GALNT2: variants seen among roughly 807,000 people sequenced by gnomAD.
GALNT2 encodes UDP-GalNAc:polypeptide N-acetylgalactosaminyltransferase 2.
Under a neutral mutation model 81.4 loss-of-function variants are expected in GALNT2, and 31 were observed. That is an observed-to-expected ratio of 0.38 (90% CI 0.29 to 0.51). The LOEUF is 0.51. GALNT2 is among the 20% of genes least tolerant of loss of function. The probability of loss-of-function intolerance (pLI) is 0.87; values close to 1 mark genes in which losing one functional copy is unlikely to be tolerated. For missense variants in GALNT2, 629 were observed against 765.7 expected, an observed-to-expected ratio of 0.82 and a Z score of 2.11; for synonymous variants, 303 against 287.4, an observed-to-expected ratio of 1.05 and a Z score of -0.55.
chr1:230,161,920 G>A (rs1374240652), intron 1 of GALNT2, among the ~76,000 whole-genome samples: 3 of 151,986 alleles, frequency 2.0e-5, no homozygotes, highest in Non-Finnish European at 4.4e-5. Flanking sequence ...CAACCACCAT[G>A]TTCCATTTCT....
At chr1:230,183,158 T>C (rs1213508238) in intron 2 of GALNT2, among the ~76,000 whole-genome samples, 2 of 152,232 alleles carry the variant, frequency 1.3e-5, no homozygotes, top group Non-Finnish European at 1.5e-5. Flanking sequence ...TTAATCTATG[T>C]GTGTTGTTTT....
At position 230,178,233 on chromosome 1, in the gene GALNT2, A is replaced by G. The variant is rs769701692; in HGVS notation, c.142A>G (p.Ile48Val). 18 of 1,613,846 alleles carry G rather than the reference A, an allele frequency of 1.1e-5. No individual in the cohort carries two copies. The highest frequency in any genetic ancestry group is 1.3e-5 in the African/African-American group (1 of 74,926). The change falls in exon 2 of 16, where the codon ATT becomes GTT. Residue 48 changes from isoleucine to valine, a missense_variant. By Grantham distance (29) the Ile-to-Val change is conservative. Transcript: ENST00000366672. ...GTTCCCCTAGGAGGACTGGAATGAAATTGACCCCATTAAAAAGAAAGACCT... is the reference window on the plus strand; with the variant it reads ...GTTCCCCTAGGAGGACTGGAATGAAGTTGACCCCATTAAAAAGAAAGACCT... The part of the protein sequence containing the change: ...GAGRKEDWNE[I>V]DPIKKKDLHH...
intron 2 of GALNT2, among the ~76,000 whole-genome samples, chr1:230,197,416 C>G (rs1006604003): frequency 6.6e-6 from 1 of 152,146 alleles, no homozygotes; most frequent in African/African-American, 2.4e-5. Context: ...TCCCTCTATG[C>G]TTCCTGCTCG....
chr1:230,162,349 C>A lies in GALNT2; in HGVS notation c.127-15869C>A, dbSNP rs117211464. Among the ~76,000 whole-genome samples the A allele has an allele frequency of 7.9e-5, 12 of 152,246 alleles. No individual in the cohort carries two copies. In the South Asian group the frequency reaches 2.5e-3, roughly 32 times the overall value. On this transcript the variant is annotated intron_variant, in intron 1 of 15. Transcript: ENST00000366672. ...CTCATCCTCTGAGAATTTAGCATTCCGGGTGATGCTACTAAGATGGATGAA... is the reference window on the plus strand; with the variant it reads ...CTCATCCTCTGAGAATTTAGCATTCAGGGTGATGCTACTAAGATGGATGAA...
chr1:230,122,965 T>C (rs1045783557), intron 1 of GALNT2, among the ~76,000 whole-genome samples: 2 of 152,182 alleles, frequency 1.3e-5, no homozygotes, highest in Admixed American at 1.3e-4. Flanking sequence ...GGGGCTACAT[T>C]GAGTTGGGGA....
At chr1:230,130,879 G>C (rs574705543) in intron 1 of GALNT2, among the ~76,000 whole-genome samples, 4 of 152,158 alleles carry the variant, frequency 2.6e-5, no homozygotes, top group African/African-American at 9.7e-5. Flanking sequence ...AAATGGGAAA[G>C]CACTGGGAGG....
intron 1 of GALNT2, among the ~76,000 whole-genome samples, chr1:230,072,596 T>C (rs1019940316): frequency 2.6e-5 from 4 of 152,214 alleles, no homozygotes; most frequent in African/African-American, 9.7e-5. Context: ...AAGCCTCTTC[T>C]GGAAGCTCTG....
At chr1:230,249,326 C>T in intron 9 of GALNT2, 55 bp downstream of exon 9, 3 of 1,533,302 alleles carry the variant, frequency 2.0e-6, no homozygotes, top group Non-Finnish European at 1.8e-6. Context: ...CAGGTTCCAG[C>T]TTCTTTGCTG....
At chr1:230,151,425 C>G (rs142458263) in intron 1 of GALNT2, among the ~76,000 whole-genome samples, 30 of 152,218 alleles carry the variant, frequency 2.0e-4, no homozygotes, top group Non-Finnish European at 3.8e-4. Flanking sequence ...TGTAAGGTGG[C>G]TTTGGGGCAC....
intron 1 of GALNT2, among the ~76,000 whole-genome samples, chr1:230,085,174 G>C (rs993299364): frequency 1.3e-5 from 2 of 152,128 alleles, no homozygotes; most frequent in Non-Finnish European, 2.9e-5. Flanking sequence ...TCACCACTGC[G>C]GATGGCAGAC....
At position 230,145,379 on chromosome 1, in the gene GALNT2, G is replaced by T. The variant is rs566904985; in HGVS notation, c.127-32839G>T. 2.2e-4 allele frequency among the ~76,000 whole-genome samples: 33 copies of T among 152,344 alleles called. 1 individual carries two copies. The highest frequency in any genetic ancestry group is 1.9e-3 in the Admixed American group (29 of 15,310). Reference sequence around the variant, plus strand: ...AGTCGGGCCTGGGCCTTCTGAGGGGGTTTGTCCTGGAAATCCTGTCTTCCC... The same window carrying T: ...AGTCGGGCCTGGGCCTTCTGAGGGGTTTTGTCCTGGAAATCCTGTCTTCCC... On this transcript the variant is annotated intron_variant, in intron 1 of 15. Transcript: ENST00000366672.
chr1:230,268,813 C>G (rs1000762211), intron 14 of GALNT2, among the ~76,000 whole-genome samples: 1 of 152,222 alleles, frequency 6.6e-6, no homozygotes, highest in African/African-American at 2.4e-5. Context: ...GCCCTCACCC[C>G]CCGGTCCTGC....
chr1:230,178,330 A>G lies in GALNT2; in HGVS notation c.220+19A>G, dbSNP rs755846417. Reference sequence around the variant, plus strand: ...CCTCCAGGTACTGCCAGGGGCCAGGAAGCCATCTTGCTTTGAGCACGTGAT... The same window carrying G: ...CCTCCAGGTACTGCCAGGGGCCAGGGAGCCATCTTGCTTTGAGCACGTGAT... On this transcript the variant is annotated intron_variant, in intron 2 of 15. Transcript: ENST00000366672. 4 of 1,597,236 alleles carry G rather than the reference A, an allele frequency of 2.5e-6. No homozygotes were observed. In the South Asian group the frequency reaches 3.3e-5, roughly 13 times the overall value.
At chr1:230,143,612 G>T (rs961436940) in intron 1 of GALNT2, among the ~76,000 whole-genome samples, 1 of 152,214 alleles carries the variant, frequency 6.6e-6, no homozygotes, top group Non-Finnish European at 1.5e-5. Context: ...CACTTCCTTG[G>T]TTTTTTCTTG....
At position 230,083,327 on chromosome 1, in the gene GALNT2, A is replaced by G. The variant is rs190758101; in HGVS notation, c.126+15921A>G. The stretch of plus-strand genomic sequence containing the variant: ...CAGGATGATGGAGTGGGGAGCGAGG[A>G]TGATGGAGCAGGGGAGCCGGGATGA... On this transcript the variant is annotated intron_variant, in intron 1 of 15. Transcript: ENST00000366672. 1.9e-3 allele frequency among the ~76,000 whole-genome samples: 274 copies of G among 143,372 alleles called. 1 individual carries two copies. Among genetic ancestry groups the G allele is most frequent in the African/African-American group, 6.4e-3 (242 of 37,810 alleles). 94.1% of individuals were successfully genotyped at this position (143,372 alleles called of 152,430 possible). A position where few individuals can be genotyped will look rare whatever the true frequency, so the allele number is the denominator to read the frequency against.
At chr1:230,129,981 G>A (rs1471496137) in intron 1 of GALNT2, among the ~76,000 whole-genome samples, 2 of 152,354 alleles carry the variant, frequency 1.3e-5, no homozygotes, top group African/African-American at 2.4e-5. Context: ...CGCTGAACGG[G>A]CACAATTGCA....
chr1:230,262,373 C>G, intron 11 of GALNT2, 200 bp from the exon 12 acceptor site: 1 of 551,952 alleles, frequency 1.8e-6, no homozygotes, highest in Non-Finnish European at 3.2e-6. Flanking sequence ...CAGTAAGCAC[C>G]CGCTGAGGCT....
chr1:230,218,856 C>T (rs765639158), intron 3 of GALNT2, among the ~76,000 whole-genome samples: 18 of 152,230 alleles, frequency 1.2e-4, no homozygotes, highest in South Asian at 2.1e-4. Context: ...AACCAGGCCA[C>T]GCAGCAGGAC....
chr1:230,191,651 A>G (rs1663528825), intron 2 of GALNT2, among the ~76,000 whole-genome samples: 1 of 152,200 alleles, frequency 6.6e-6, no homozygotes, highest in South Asian at 2.1e-4. Flanking sequence ...AGCTAGGACT[A>G]CGGGTATGTG....
Sources: gnomAD v4.1 joint callset for allele counts (sites outside exome capture counted in the v4.1 genomes callset) on GRCh38, gnomAD v4.1.1 for gene constraint, MANE v1.5 for transcripts, NCBI Gene and HGNC (gene_info 2026-07-23, HGNC 2026-07-21) for gene names.